PLEKHO1: variants seen among roughly 807,000 people sequenced by gnomAD.
PLEKHO1 encodes pleckstrin homology domain containing O1.
A neutral mutation model predicts 41.4 loss-of-function variants in PLEKHO1; 22 were observed. That is an observed-to-expected ratio of 0.53 (90% CI 0.38 to 0.76). The LOEUF is 0.76. Among genes scored for constraint, PLEKHO1 ranks in the 30% least tolerant of loss-of-function variants. The probability of loss-of-function intolerance (pLI) is 0.00; values close to 1 mark genes in which losing one functional copy is unlikely to be tolerated. For missense variants in PLEKHO1, 488 were observed against 518.3 expected (o/e 0.94, Z 0.57); for synonymous variants, 225 against 210.8 (o/e 1.07, Z -0.58).
intron 2 of PLEKHO1, among the ~76,000 whole-genome samples, chr1:150,152,211 G>GAAGAACT (rs1431725458): frequency 1.3e-5 from 2 of 152,164 alleles, no homozygotes; most frequent in Admixed American, 6.5e-5. Context: ...GGCATCTAGG[G>GAAGAACT]AAGAACTAAG....
chr1:150,157,455 G>GC lies in PLEKHO1; in HGVS notation c.500dup (p.Thr168AsnfsTer31). Reference sequence around the variant, plus strand: ...AGGGCAAAAATCCAGCACTCCCGCCGCCCCCCAACAAGGGGACACCTAATG... The same window carrying GC: ...AGGGCAAAAATCCAGCACTCCCGCCGCCCCCCCAACAAGGGGACACCTAATG... On this transcript the variant is annotated frameshift_variant, in exon 5 of 6. Coordinates refer to ENST00000369124, the MANE Select transcript of PLEKHO1 (RefSeq NM_016274.6). LOFTEE classifies it high-confidence loss of function. 1 of 1,613,500 alleles carries GC rather than the reference G, an allele frequency of 6.2e-7. No homozygotes were observed. The highest frequency in any genetic ancestry group is 8.5e-7 in the Non-Finnish European group (1 of 1,179,554).
intron 2 of PLEKHO1, 139 bp downstream of exon 2, chr1:150,151,197 T>G: frequency 4.7e-6 from 4 of 854,124 alleles, no homozygotes; most frequent in Non-Finnish European, 7.4e-6. Context: ...CCATCTCATC[T>G]GCAGAGAAAG....
intron 1 of PLEKHO1, 65 bp from the exon 2 acceptor site, chr1:150,150,847 C>G: frequency 6.7e-7 from 1 of 1,489,980 alleles, no homozygotes. Flanking sequence ...TCGTGAGAGA[C>G]GGACGGAGAG....
rs782557155 is a variant in PLEKHO1, at chr1:150,159,107, C to T, written c.814C>T (p.Leu272=). The change falls in exon 6 of 6, where the codon CTG becomes TTG. Residue 272 remains leucine (L), a synonymous_variant. Coordinates refer to ENST00000369124, the MANE Select transcript of PLEKHO1 (RefSeq NM_016274.6). The stretch of plus-strand genomic sequence containing the variant: ...CACAGAGAAAGGCCGCTGCGCCTCC[C>T]TGGAGGAGATCCTATCTCAGCGGGA... The part of the protein sequence containing the change: ...TPTEKGRCAS[L]EEILSQRDAA... The T allele has an allele frequency of 6.2e-7, 1 of 1,613,564 alleles. No individual in the cohort carries two copies. The highest frequency in any genetic ancestry group is 8.5e-7 in the Non-Finnish European group (1 of 1,179,814).
chr1:150,152,600 G>A (rs1368966244), intron 2 of PLEKHO1, among the ~76,000 whole-genome samples: 3 of 148,364 alleles, frequency 2.0e-5, no homozygotes, highest in African/African-American at 7.4e-5. Flanking sequence ...AACCGTGCCT[G>A]GCCAGGAGGA....
rs587682007 is a variant in PLEKHO1 at position 150,158,791 on chromosome 1, C to T, written c.526-28C>T. The T allele has an allele frequency of 3.5e-6, 5 of 1,437,230 alleles. No homozygotes were observed. The East Asian group carries it at 6.8e-5, about 20-fold the overall frequency. The allele number at this position is 1,437,230 out of a possible 1,614,324, so 89.0% of individuals were successfully genotyped here. ...CGAAAATCCCTCCTGATGACAGGTT[C>T]CCCACTCATTCCCCCCTTCCTCCAC... On this transcript the variant is annotated intron_variant, in intron 5 of 5. Coordinates refer to ENST00000369124, the MANE Select transcript of PLEKHO1 (RefSeq NM_016274.6).
At chr1:150,152,202 G>T (rs146590949) in intron 2 of PLEKHO1, among the ~76,000 whole-genome samples, 165 of 152,290 alleles carry the variant, frequency 1.1e-3, no homozygotes, top group Middle Eastern at 3.4e-3. Context: ...ATCTACTGAG[G>T]CATCTAGGGA....
At position 150,156,198 on chromosome 1, in the gene PLEKHO1, G is replaced by T; in HGVS notation, c.310G>T (p.Gly104Cys). 1 of 1,613,326 alleles carries T rather than the reference G, an allele frequency of 6.2e-7. No homozygotes were observed. Among genetic ancestry groups the T allele is most frequent in the South Asian group, 1.1e-5 (1 of 90,980 alleles). ...KFTLAHSKQP[G>C]NTAPNLIFLA... ...TACTCTTGCCCACTCCAAACAGCCC[G>T]GTAACACGGTATGTTTCTCCTGCCA... The change falls in exon 3 of 6, where the codon GGT becomes TGT. Residue 104 changes from glycine to cysteine, a missense_variant. Transcript: ENST00000369124.
At chr1:150,152,819 G>A (rs190950355) in intron 2 of PLEKHO1, 63 of 151,622 alleles carry the variant, frequency 4.2e-4, no homozygotes, top group African/African-American at 1.5e-3. Context: ...AAACATAATA[G>A]TGAAAGGGTA....
At position 150,152,550 on chromosome 1, in the gene PLEKHO1, G is replaced by A. The variant is rs587733967; in HGVS notation, c.177+1492G>A. ...ACTCCTGGCCTCAAGTGAACCACCC[G>A]CCTCAGCCTCCCAAAGTGCTGGGAT... On this transcript the variant is annotated intron_variant, in intron 2 of 5. Coordinates refer to ENST00000369124, the MANE Select transcript of PLEKHO1 (RefSeq NM_016274.6). Among the ~76,000 whole-genome samples the A allele has an allele frequency of 4.0e-5, 6 of 151,378 alleles. No homozygotes were observed. The East Asian group carries it at 9.6e-4, about 24-fold the overall frequency.
rs587674656 is a variant in PLEKHO1, at chr1:150,159,307, C to T, written c.1014C>T (p.Asp338=). Residue 338 remains aspartate (D), a synonymous_variant, in exon 6 of 6, where the codon GAC becomes GAT. Transcript: ENST00000369124. ...GAGATGGGAAGCGAAAGGCCAAGGACCCCCCTCGGTCTCCGCCGGATTCTG... is the reference window on the plus strand; with the variant it reads ...GAGATGGGAAGCGAAAGGCCAAGGATCCCCCTCGGTCTCCGCCGGATTCTG... ...GLGDGKRKAK[D]PPRSPPDSES... 3.1e-6 allele frequency: 5 copies of T among 1,614,084 alleles called. No homozygotes were observed. Among genetic ancestry groups the T allele is most frequent in the South Asian group, 1.1e-5 (1 of 91,066 alleles).
At chr1:150,151,654 A>C (rs1659938449) in intron 2 of PLEKHO1, among the ~76,000 whole-genome samples, 2 of 148,756 alleles carry the variant, frequency 1.3e-5, no homozygotes, top group African/African-American at 5.0e-5. Flanking sequence ...TAAAAAAGGC[A>C]AGGAACCCAT....
intron 2 of PLEKHO1, chr1:150,154,504 G>A (rs1261875552): frequency 1.3e-5 from 2 of 152,328 alleles, no homozygotes; most frequent in African/African-American, 4.8e-5. Flanking sequence ...TCAGCCTCCA[G>A]GTCCAGCAGC....
rs1553820334 is a variant in PLEKHO1, at chr1:150,156,062, C to A, written c.178-4C>A. 1.9e-6 allele frequency: 3 copies of A among 1,612,570 alleles called. No individual in the cohort carries two copies. In the African/African-American group the frequency reaches 4.0e-5, roughly 22 times the overall value. Reference sequence around the variant, plus strand: ...CTCCTCACCTCACCCCAACCCTCCCCTAGGTAAAAGATGAGAAAAATATTC... The same window carrying A: ...CTCCTCACCTCACCCCAACCCTCCCATAGGTAAAAGATGAGAAAAATATTC... On this transcript the variant is annotated splice_polypyrimidine_tract_variant and splice_region_variant and intron_variant, in intron 2 of 5. Transcript: ENST00000369124.
In PLEKHO1 at chr1:150,159,613, AAAG is replaced by A; in HGVS notation, c.*93_*95del. 1.1e-6 allele frequency: 1 copy of A among 873,324 alleles called. No homozygotes were observed. Among genetic ancestry groups the A allele is most frequent in the Non-Finnish European group, 1.7e-6 (1 of 577,686 alleles). The allele number at this position is 873,324 out of a possible 1,614,324, so 54.1% of individuals were successfully genotyped here. The stretch of plus-strand genomic sequence containing the variant: ...GCTTTTTTATTTACCTCAATCAAAA[AAAG>A]AAAACAAAAATGAACTCATTGCTCT... On this transcript the variant is annotated 3_prime_UTR_variant, in exon 6 of 6. Coordinates refer to ENST00000369124, the MANE Select transcript of PLEKHO1 (RefSeq NM_016274.6).
intron 2 of PLEKHO1, 86 bp downstream of exon 2, chr1:150,151,144 C>G (rs1052557049): frequency 3.4e-6 from 5 of 1,486,962 alleles, no homozygotes; most frequent in Admixed American, 1.7e-5. Flanking sequence ...TACTCCACCC[C>G]CGTTTTGTTC....
chr1:150,150,838 C>CGTGAGAGACGGACGGAGAGGAAGCGCCG, intron 1 of PLEKHO1, 74 bp from the exon 2 acceptor site: 1 of 1,420,526 alleles, frequency 7.0e-7, no homozygotes, highest in South Asian at 1.2e-5. Context: ...CCGAGGCGGT[C>CGTGAGAGACGGACGGAGAGGAAGCGCCG]GTGAGAGACG....
chr1:150,150,311 G>A (rs782176551), intron 1 of PLEKHO1, 24 bp downstream of exon 1: 2 of 1,061,512 alleles, frequency 1.9e-6, no homozygotes, highest in East Asian at 7.9e-5. Flanking sequence ...CCCGCCCTGC[G>A]GCCGCCGCCG....
chr1:150,157,187 A>T lies in PLEKHO1; in HGVS notation c.423+172A>T. On this transcript the variant is annotated intron_variant, in intron 4 of 5. Transcript: ENST00000369124. ...TCTTTCTACCTTCTCTCCAAGTCTC[A>T]TCTGACACCTCCTCTTCCCCGCTTC... is the stretch of plus-strand genomic sequence containing the variant. 8.6e-6 allele frequency: 6 copies of T among 697,826 alleles called. No individual in the cohort carries two copies. In the South Asian group the frequency reaches 9.3e-5, roughly 11 times the overall value. 43.2% of individuals were successfully genotyped at this position (697,826 alleles called of 1,614,324 possible).
Sources: gnomAD v4.1 joint callset for allele counts (sites outside exome capture counted in the v4.1 genomes callset) on GRCh38, gnomAD v4.1.1 for gene constraint, MANE v1.5 for transcripts, NCBI Gene and HGNC (gene_info 2026-07-23, HGNC 2026-07-21) for gene names.